The following PHAF1 variants were observed in gnomAD, a reference collection of about 807,000 sequenced individuals.
PHAF1 encodes phagophore assembly factor 1.
PHAF1 carries 23 observed loss-of-function variants against 63.1 expected under a neutral mutation model. The ratio of observed to expected loss-of-function variants is 0.36; its 90% confidence interval spans 0.26 to 0.52. The LOEUF (loss-of-function observed/expected upper bound fraction) is 0.52. Among genes scored for constraint, PHAF1 ranks in the 20% least tolerant of loss-of-function variants. The pLI is 0.93. For synonymous variants in PHAF1, 167 were observed against 185.0 expected (o/e 0.90, Z 0.79); for missense variants, 427 against 517.2 (o/e 0.83, Z 1.69).
At chr16:67,130,346 CTT>C (rs34430310) in intron 3 of PHAF1, among the ~76,000 whole-genome samples, 9 of 74,984 alleles carry the variant, frequency 1.2e-4, no homozygotes, top group Non-Finnish European at 1.8e-4. Context: ...CGTGCCCGGC[CTT>C]TTTTTTTTTT....
chr16:67,145,407 G>C lies in PHAF1; in HGVS notation c.1038G>C (p.Thr346=), dbSNP rs1461748500. Residue 346 remains threonine, a synonymous_variant, in exon 13 of 16, where the codon ACG becomes ACC. Transcript: ENST00000219139. ...CAGATGGTCAGACAGAAACATGCAC[G>C]ACCTACAGCAAGGTGAGCACCTATC... ...ENADGQTETC[T]TYSKWDNIQE... The C allele has an allele frequency of 6.2e-7, 1 of 1,614,100 alleles. No homozygotes were observed. Among genetic ancestry groups the C allele is most frequent in the Non-Finnish European group, 8.5e-7 (1 of 1,180,008 alleles).
intron 1 of PHAF1, among the ~76,000 whole-genome samples, chr16:67,117,339 G>A (rs369478214): frequency 7.4e-5 from 11 of 149,416 alleles, no homozygotes; most frequent in South Asian, 2.1e-4. Flanking sequence ...GTGAGCCACC[G>A]CGCCCAGCCT....
At chr16:67,143,515 G>A (rs759978047) in intron 10 of PHAF1, among the ~76,000 whole-genome samples, 1 of 152,208 alleles carries the variant, frequency 6.6e-6, no homozygotes, top group African/African-American at 2.4e-5. Context: ...TGGGCACCAC[G>A]CTAGGTGACT....
chr16:67,147,235 G>A lies in PHAF1; in HGVS notation c.*104G>A. On this transcript the variant is annotated 3_prime_UTR_variant, in exon 16 of 16. Transcript: ENST00000219139. ...GGGTTTTCTTGGACACCTGGCCAGT[G>A]CTGAAGGGCTGTTGTGATGTTCTGA... The A allele has an allele frequency of 9.2e-7, 1 of 1,092,638 alleles. No homozygotes were observed. The highest frequency in any genetic ancestry group is 1.4e-5 in the South Asian group (1 of 69,988). The allele number at this position is 1,092,638 out of a possible 1,614,324, so 67.7% of individuals were successfully genotyped here. A position where few individuals can be genotyped will look rare whatever the true frequency, so the allele number is the denominator to read the frequency against.
At chr16:67,114,806 A>C (rs1446200419) in intron 1 of PHAF1, among the ~76,000 whole-genome samples, 1 of 152,204 alleles carries the variant, frequency 6.6e-6, no homozygotes. Context: ...TCGTTTAGGA[A>C]GAACTGGATT....
At chr16:67,115,612 G>A (rs1413597516) in intron 1 of PHAF1, among the ~76,000 whole-genome samples, 2 of 152,234 alleles carry the variant, frequency 1.3e-5, no homozygotes, top group Admixed American at 6.5e-5. Flanking sequence ...GTGAGACAAA[G>A]ATTTGTGCGG....
intron 7 of PHAF1, 22 bp from the exon 8 acceptor site, chr16:67,134,333 C>T: frequency 1.9e-6 from 3 of 1,608,080 alleles, no homozygotes; most frequent in Non-Finnish European, 2.6e-6. Context: ...CAAGCCTCTG[C>T]TCATTCTGTG....
Position 67,120,141 on chromosome 16 carries a change from C to T in PHAF1, c.94C>T (p.Leu32Phe). Residue 32 changes from leucine (L) to phenylalanine (F), a missense_variant, in exon 2 of 16, where the codon CTT becomes TTT. Leu to Phe is a conservative substitution (Grantham distance 22). Transcript: ENST00000219139. ...GCCTCTGGCTCAGGCAGTAGCCATT[C>T]TTCAGAAGCACTGTCGCATCATCAA... Reference protein sequence around the residue: ...GMPLAQAVAILQKHCRIIKNV... With the variant: ...GMPLAQAVAIFQKHCRIIKNV... 1 of 1,614,044 alleles carries T rather than the reference C, an allele frequency of 6.2e-7. No homozygotes were observed. The highest frequency in any genetic ancestry group is 8.5e-7 in the Non-Finnish European group (1 of 1,179,962).
At chr16:67,132,680 T>A in intron 5 of PHAF1, 137 bp from the exon 6 acceptor site, 1 of 1,190,768 alleles carries the variant, frequency 8.4e-7, no homozygotes, top group Admixed American at 1.7e-5. Flanking sequence ...TCCCCCTTGT[T>A]TTCAACCTAG....
intron 9 of PHAF1, 48 bp from the exon 10 acceptor site, chr16:67,140,463 C>CTA (rs1240517847): frequency 7.2e-7 from 1 of 1,396,888 alleles, no homozygotes; most frequent in Admixed American, 1.7e-5. Context: ...TAATCCAGAA[C>CTA]TATATTAGAG....
chr16:67,121,754 A>G (rs1008611978), intron 2 of PHAF1, among the ~76,000 whole-genome samples: 6 of 151,030 alleles, frequency 4.0e-5, no homozygotes, highest in Non-Finnish European at 8.8e-5. Context: ...CTAATTTTGT[A>G]TTTTTAGTAG....
intron 6 of PHAF1, among the ~76,000 whole-genome samples, chr16:67,133,556 C>T (rs1008131708): frequency 6.6e-6 from 1 of 151,240 alleles, no homozygotes; most frequent in African/African-American, 2.4e-5. Flanking sequence ...CTTGTAATCC[C>T]AGCACTTTGG....
At chr16:67,118,123 A>ATT (rs772394136) in intron 1 of PHAF1, among the ~76,000 whole-genome samples, 15 of 120,948 alleles carry the variant, frequency 1.2e-4, no homozygotes, top group Admixed American at 3.8e-4. Flanking sequence ...CGCCCGGCTA[A>ATT]TTTTTTTTTT....
intron 3 of PHAF1, among the ~76,000 whole-genome samples, chr16:67,129,907 C>T (rs1046648513): frequency 6.6e-6 from 1 of 152,214 alleles, no homozygotes; most frequent in Non-Finnish European, 1.5e-5. Context: ...TTGTTTCAAC[C>T]AGATCCTCTT....
intron 4 of PHAF1, among the ~76,000 whole-genome samples, chr16:67,131,550 C>T (rs1264571402): frequency 6.6e-6 from 1 of 152,212 alleles, no homozygotes; most frequent in Admixed American, 6.5e-5. Context: ...TATATGTCAT[C>T]TAACTTAATC....
chr16:67,135,981 G>C (rs1177399185), intron 8 of PHAF1: 1 of 152,176 alleles, frequency 6.6e-6, no homozygotes, highest in East Asian at 1.9e-4. Flanking sequence ...CTTGGCCAGA[G>C]TTTTGCCAAC....
intron 8 of PHAF1, among the ~76,000 whole-genome samples, chr16:67,136,845 G>T (rs1030462030): frequency 1.3e-5 from 2 of 151,776 alleles, no homozygotes; most frequent in South Asian, 4.2e-4. Flanking sequence ...CCTCCCAAAT[G>T]GTTCTTAATT....
intron 10 of PHAF1, among the ~76,000 whole-genome samples, 181 bp from the exon 11 acceptor site, chr16:67,144,113 A>C (rs1278766473): frequency 1.3e-5 from 2 of 152,108 alleles, no homozygotes; most frequent in East Asian, 3.9e-4. Context: ...AAAAAGAAGA[A>C]AGAAAATGTC....
At chr16:67,129,734 A>G (rs1963319340) in intron 3 of PHAF1, among the ~76,000 whole-genome samples, 1 of 152,170 alleles carries the variant, frequency 6.6e-6, no homozygotes, top group Admixed American at 6.5e-5. Context: ...AGCCCTTGAC[A>G]CCATTGCATG....
Sources: allele counts gnomAD v4.1 joint callset (sites outside exome capture counted in the v4.1 genomes callset), GRCh38; gene constraint gnomAD v4.1.1; transcripts MANE v1.5; gene names NCBI Gene and HGNC (gene_info 2026-07-23, HGNC 2026-07-21).